DAB2IP: variants seen among roughly 807,000 people sequenced by gnomAD.
DAB2IP encodes the protein disabled homolog 2-interacting protein.
Under a neutral mutation model 107.2 loss-of-function variants are expected in DAB2IP, and 28 were observed. That is an observed-to-expected ratio of 0.26 (90% confidence interval 0.19 to 0.36). The LOEUF (loss-of-function observed/expected upper bound fraction) is 0.36, where lower values mean the gene tolerates loss of function less well. Ranked by LOEUF, DAB2IP falls within the 10% of genes least tolerant of loss-of-function variation. The pLI is 1.00. For synonymous variants in DAB2IP, 755 were observed against 706.4 expected (o/e 1.07, Z -1.09); for missense variants, 1,400 against 1,644.7 (o/e 0.85, Z 2.57).
intron 1 of DAB2IP, among the ~76,000 whole-genome samples, chr9:121,589,959 C>T (rs1019052906): frequency 1.2e-5 from 1 of 81,332 alleles, no homozygotes; most frequent in Admixed American, 1.3e-4. Context: ...CCTTCCCTTC[C>T]CTTCCCTTCC....
intron 1 of DAB2IP, among the ~76,000 whole-genome samples, chr9:121,567,774 C>G (rs1037882811): frequency 6.6e-6 from 1 of 152,172 alleles, no homozygotes; most frequent in East Asian, 1.9e-4. Context: ...TTGCTCGGGA[C>G]AGAGCCCATG....
At chr9:121,639,963 C>A (rs778741436) in intron 1 of DAB2IP, among the ~76,000 whole-genome samples, 3 of 152,308 alleles carry the variant, frequency 2.0e-5, no homozygotes, top group Middle Eastern at 3.4e-3. Context: ...GCACTTTAAC[C>A]CACATCCCAG....
intron 1 of DAB2IP, among the ~76,000 whole-genome samples, chr9:121,587,997 C>T (rs1406599352): frequency 1.3e-5 from 2 of 152,200 alleles, no homozygotes; most frequent in Non-Finnish European, 2.9e-5. Context: ...GGGTTCTCTG[C>T]CCATGATGAC....
intron 1 of DAB2IP, among the ~76,000 whole-genome samples, chr9:121,607,245 A>G (rs917311334): frequency 2.0e-5 from 3 of 152,086 alleles, no homozygotes; most frequent in Admixed American, 2.0e-4. Flanking sequence ...TACTGGAGGG[A>G]GAGGAGAGAG....
intron 5 of DAB2IP, 38 bp from the exon 6 acceptor site, chr9:121,759,847 C>A (rs1045385481): frequency 1.3e-6 from 2 of 1,566,574 alleles, no homozygotes; most frequent in Non-Finnish European, 1.7e-6. Context: ...GCACGTGGCA[C>A]CCCCAGCTGA....
chr9:121,783,789 G>A (rs768168434), exon 16 of DAB2IP: 3 of 592,608 alleles, frequency 5.1e-6, no homozygotes, highest in African/African-American at 1.9e-5. Flanking sequence ...GTTTTCCTCA[G>A]CTCTAGGCTG....
intron 1 of DAB2IP, among the ~76,000 whole-genome samples, chr9:121,596,767 T>C (rs1358514789): frequency 6.6e-6 from 1 of 150,848 alleles, no homozygotes; most frequent in Non-Finnish European, 1.5e-5. Context: ...GTCAAGACTC[T>C]GGGTCACTGG....
intron 14 of DAB2IP, 58 bp from the exon 15 acceptor site, chr9:121,781,406 C>T (rs1379292229): frequency 8.3e-6 from 13 of 1,559,986 alleles, no homozygotes; most frequent in East Asian, 2.2e-5. Context: ...TGTTCTCACA[C>T]CCTCCCCACC....
At chr9:121,594,966 G>A (rs186512204) in intron 1 of DAB2IP, among the ~76,000 whole-genome samples, 69 of 152,248 alleles carry the variant, frequency 4.5e-4, no homozygotes, top group Non-Finnish European at 7.9e-4. Flanking sequence ...AATTCCTGGG[G>A]CATGATAGAG....
At chr9:121,749,796 T>C (rs1832977045) in intron 3 of DAB2IP, among the ~76,000 whole-genome samples, 1 of 152,200 alleles carries the variant, frequency 6.6e-6, no homozygotes, top group Non-Finnish European at 1.5e-5. Flanking sequence ...TGGGGAAAAC[T>C]GAGGCATGGA....
Position 121,782,489 on chromosome 9 carries a change from C to T in DAB2IP, c.3561C>T (p.Ser1187=). Residue 1187 remains serine, a synonymous_variant, in exon 16 of 16, where the codon AGC becomes AGT. Transcript: ENST00000408936. The surrounding 1 kb of genome is among the most constrained non-coding windows in gnomAD (Gnocchi z 6.1). The stretch of plus-strand genomic sequence containing the variant: ...AGAACGGCGAGTTCAGAAACAGCAG[C>T]AATTGTTAACCTGCCTGAGGAGGGA... 1 of 1,613,910 alleles carries T rather than the reference C, an allele frequency of 6.2e-7. No homozygotes were observed. The highest frequency in any genetic ancestry group is 1.3e-5 in the African/African-American group (1 of 75,056).
chr9:121,772,791 C>T lies in DAB2IP; in HGVS notation c.2263C>T (p.Arg755Cys), dbSNP rs761339512. 1.9e-5 allele frequency: 30 copies of T among 1,612,704 alleles called. No individual in the cohort carries two copies. The highest frequency in any genetic ancestry group is 6.6e-5 in the South Asian group (6 of 90,986). ...CTCCATGGTGGACCTCCAGGACGCC[C>T]GCACGCTGGATGGGGAGGCAGGCTC... The change falls in exon 12 of 16, where the codon CGC becomes TGC. Residue 755 changes from arginine to cysteine, a missense_variant. Coordinates refer to ENST00000408936, the Ensembl canonical transcript of DAB2IP. The surrounding 1 kb of genome is among the most constrained non-coding windows in gnomAD (Gnocchi z 4.7).
Position 121,699,234 on chromosome 9 carries a change from C to T in DAB2IP, c.229-91C>T, listed in dbSNP as rs1829615293. 1 of 1,053,420 alleles carries T rather than the reference C, an allele frequency of 9.5e-7. No homozygotes were observed. The highest frequency in any genetic ancestry group is 1.1e-6 in the Non-Finnish European group (1 of 873,712). 65.3% of individuals were successfully genotyped at this position (1,053,420 alleles called of 1,614,324 possible). ...GGCCCGCCCTCGGCCGCGCGGCCGCCCAGCAAGGGTGCGGGTCCCGCGCGG... is the reference window on the plus strand; with the variant it reads ...GGCCCGCCCTCGGCCGCGCGGCCGCTCAGCAAGGGTGCGGGTCCCGCGCGG... On this transcript the variant is annotated intron_variant, in intron 2 of 15. Transcript: ENST00000408936. This position sits in a 1 kb window ranked among gnomAD's most constrained non-coding sequence, Gnocchi z 6.2.
intron 3 of DAB2IP, chr9:121,742,698 C>T (rs188417314): frequency 4.1e-6 from 4 of 980,374 alleles, no homozygotes; most frequent in Non-Finnish European, 4.8e-6. Context: ...CGGTTGCCCC[C>T]ATCTGCCTTG....
Position 121,587,614 on chromosome 9 carries a change from G to GAA in DAB2IP, c.40+20401_40+20402dup, listed in dbSNP as rs368945381. 1.4e-4 allele frequency among the ~76,000 whole-genome samples: 12 copies of GAA among 87,922 alleles called. No homozygotes were observed. In the East Asian group the frequency reaches 2.7e-3, roughly 20 times the overall value. 57.7% of individuals were successfully genotyped at this position (87,922 alleles called of 152,430 possible). A position where few individuals can be genotyped will look rare whatever the true frequency, so the allele number is the denominator to read the frequency against. On this transcript the variant is annotated intron_variant, in intron 1 of 16. Coordinates refer to the DAB2IP transcript ENST00000259371. ...TCAGAGTGAGATCCTGTCTCGAAAA[G>GAA]AAAAAAAAAAAAAAAAGAATAGGGT...
rs559889460 is a variant in DAB2IP at position 121,662,318 on chromosome 9, G to C, written c.124+10419G>C. 1.3e-5 allele frequency among the ~76,000 whole-genome samples: 2 copies of C among 152,196 alleles called. No homozygotes were observed. Among genetic ancestry groups the C allele is most frequent in the East Asian group, 3.9e-4 (2 of 5,194 alleles). On this transcript the variant is annotated intron_variant, in intron 1 of 15. Coordinates refer to ENST00000408936, the Ensembl canonical transcript of DAB2IP. The surrounding 1 kb of genome is among the most constrained non-coding windows in gnomAD (Gnocchi z 4.6). ...TTCAGGTCCAGAAGGAGTCAGGACA[G>C]TGTGGTCTACTGGCCAAACCCAGCC...
upstream of DAB2IP, among the ~76,000 whole-genome samples, chr9:121,647,792 C>T (rs568087084): frequency 6.0e-5 from 9 of 150,252 alleles, no homozygotes; most frequent in South Asian, 1.0e-3. Flanking sequence ...CACATATATA[C>T]GTATATATAC....
At chr9:121,676,588 G>C (rs573712943) in intron 1 of DAB2IP, among the ~76,000 whole-genome samples, 1 of 151,950 alleles carries the variant, frequency 6.6e-6, no homozygotes. Context: ...TGCTGGGGAG[G>C]TGGAGATGCA....
At chr9:121,781,955 C>T (rs1026659677) in intron 15 of DAB2IP, among the ~76,000 whole-genome samples, 1 of 152,186 alleles carries the variant, frequency 6.6e-6, no homozygotes, top group Admixed American at 6.5e-5. Context: ...CTCCTTTACT[C>T]AGGGCTGCAC....
Sources: gnomAD v4.1 joint callset for allele counts (sites outside exome capture counted in the v4.1 genomes callset) on GRCh38, gnomAD v4.1.1 for gene constraint, Gnocchi (gnomAD v3.1) non-coding constraint, MANE v1.5 for transcripts, NCBI Gene and HGNC (gene_info 2026-07-23, HGNC 2026-07-21) for gene names.